The following SIN3A variants were observed in gnomAD, a reference collection of about 807,000 sequenced individuals.
The protein encoded by SIN3A is paired amphipathic helix protein Sin3a.
Under a neutral mutation model 146.1 loss-of-function variants are expected in SIN3A, and 14 were observed. The ratio of observed to expected loss-of-function variants is 0.10; its 90% CI spans 0.06 to 0.15. SIN3A has a LOEUF of 0.15. SIN3A is among the 10% of genes least tolerant of loss of function. The pLI is 1.00. For missense variants in SIN3A, 1,028 were observed against 1,576.0 expected, an observed-to-expected ratio of 0.65 and a Z score of 5.89; for synonymous variants, 572 against 572.0, an observed-to-expected ratio of 1.00 and a Z score of 0.00.
rs368303944 is a variant in SIN3A at position 75,396,337 on chromosome 15, T to A, written c.2014A>T (p.Ile672Leu). 3.8e-5 allele frequency: 61 copies of A among 1,614,026 alleles called. 1 individual carries two copies. The Admixed American group carries it at 5.7e-4, about 15-fold the overall frequency. ...EVIHRKALQR[I>L]YADKAADIID... The stretch of plus-strand genomic sequence containing the variant: ...ATGTCAGCTGCTTTATCAGCATATA[T>A]CCTCTGGAGTGCTTTTCTATGGATG... The change falls in exon 13 of 21, where the codon ATA becomes TTA. Residue 672 changes from isoleucine to leucine, a missense_variant. This residue lies in a region of SIN3A where 157 missense variants were observed against 284.8 expected (regional missense o/e 0.55). Coordinates refer to ENST00000394947, the MANE Select transcript of SIN3A (RefSeq NM_001145358.2).
At chr15:75,437,418 T>C (rs1024702784) in intron 1 of SIN3A, among the ~76,000 whole-genome samples, 2 of 152,140 alleles carry the variant, frequency 1.3e-5, no homozygotes, top group South Asian at 4.1e-4. Context: ...CCTCCTGTCT[T>C]GGCCTCCCAA....
Position 75,392,435 on chromosome 15 carries a change from G to C in SIN3A, c.2658C>G (p.Phe886Leu), listed in dbSNP as rs1369700335. Residue 886 changes from phenylalanine to leucine, a missense_variant, in exon 15 of 21, where the codon TTC becomes TTG. Transcript: ENST00000394947. The part of the protein sequence containing the change: ...LRGMDEVYNL[F>L]YVNNNWYIFM... Reference sequence around the variant, plus strand: ...AAATATACCAGTTGTTGTTGACATAGAAGAGGTTGTATACTTCATCCATTC... The same window carrying C: ...AAATATACCAGTTGTTGTTGACATACAAGAGGTTGTATACTTCATCCATTC... 1 of 1,614,212 alleles carries C rather than the reference G, an allele frequency of 6.2e-7. No homozygotes were observed.
intron 1 of SIN3A, among the ~76,000 whole-genome samples, chr15:75,440,800 G>A (rs1189605540): frequency 6.6e-6 from 1 of 151,938 alleles, no homozygotes; most frequent in East Asian, 1.9e-4. Context: ...GGCTAACAAG[G>A]TGAAGCCCCG....
chr15:75,417,031 T>C (rs911743242), intron 3 of SIN3A, among the ~76,000 whole-genome samples: 6 of 151,702 alleles, frequency 4.0e-5, no homozygotes, highest in African/African-American at 1.5e-4. Flanking sequence ...GGTTTTATAG[T>C]GGCTTTTTTT....
chr15:75,446,796 C>T (rs1219784303), intron 1 of SIN3A, among the ~76,000 whole-genome samples: 2 of 151,568 alleles, frequency 1.3e-5, no homozygotes, highest in Non-Finnish European at 2.9e-5. Context: ...TCTTTTGAGA[C>T]AGTCTCGCTC....
intron 1 of SIN3A, 86 bp downstream of exon 1, chr15:75,451,336 GC>G (rs200044330): frequency 0.022 from 2,130 of 98,868 alleles, 38 homozygotes; most frequent in African/African-American, 0.025. Context: ...GAGGAGGTCA[GC>G]CCCCCCCCCC....
intron 12 of SIN3A, among the ~76,000 whole-genome samples, chr15:75,398,406 T>A (rs1029138637): frequency 6.6e-6 from 1 of 152,208 alleles, no homozygotes; most frequent in African/African-American, 2.4e-5. Flanking sequence ...ACAGGCGCAG[T>A]GGCTCACACT....
chr15:75,451,697 G>A (rs984346411), upstream of SIN3A: 1 of 151,860 alleles, frequency 6.6e-6, no homozygotes, highest in Non-Finnish European at 1.5e-5. Context: ...TGTTACCCGG[G>A]AAATCCCGCC....
Position 75,383,508 on chromosome 15 carries a change from C to T in SIN3A, c.3195+756G>A, listed in dbSNP as rs182442876. ...ACGCGATCAGGCCTCACTGCAGCCT[C>T]GACCTCCCAGGCTCAAGCAATCCTT... On this transcript the variant is annotated intron_variant, in intron 17 of 20. Coordinates refer to ENST00000394947, the MANE Select transcript of SIN3A (RefSeq NM_001145358.2). Among the ~76,000 whole-genome samples, 38 of 151,112 alleles carry T rather than the reference C, an allele frequency of 2.5e-4. No individual in the cohort carries two copies. In the East Asian group the frequency reaches 6.8e-3, roughly 27 times the overall value.
At chr15:75,404,518 T>C (rs2073470869) in intron 9 of SIN3A, among the ~76,000 whole-genome samples, 1 of 152,184 alleles carries the variant, frequency 6.6e-6, no homozygotes, top group Admixed American at 6.5e-5. Context: ...CCCAACACTT[T>C]GGGAGGCCAA....
intron 5 of SIN3A, among the ~76,000 whole-genome samples, chr15:75,412,445 A>C (rs1180979778): frequency 6.6e-6 from 1 of 152,242 alleles, no homozygotes; most frequent in African/African-American, 2.4e-5. Context: ...GACCAGGATA[A>C]GACGATGGTT....
At chr15:75,380,184 T>C (rs1232260183) in intron 19 of SIN3A, among the ~76,000 whole-genome samples, 1 of 152,196 alleles carries the variant, frequency 6.6e-6, no homozygotes, top group African/African-American at 2.4e-5. Context: ...GTCACATTCA[T>C]TGTTGGAAGA....
chr15:75,428,443 A>G (rs575587919), intron 2 of SIN3A, among the ~76,000 whole-genome samples: 11 of 152,288 alleles, frequency 7.2e-5, no homozygotes, highest in African/African-American at 2.6e-4. Context: ...TCTCCCGGGT[A>G]GCTAGGACTA....
chr15:75,413,312 G>C (rs770535063), intron 4 of SIN3A, among the ~76,000 whole-genome samples: 17 of 150,294 alleles, frequency 1.1e-4, no homozygotes, highest in South Asian at 2.1e-4. Context: ...GGACAGGTGG[G>C]GTTTCACCAT....
chr15:75,452,510 C>T (rs192453449), upstream of SIN3A, among the ~76,000 whole-genome samples: 1 of 152,354 alleles, frequency 6.6e-6, no homozygotes, highest in East Asian at 1.9e-4. Context: ...ACACTGCGTC[C>T]TTGTAAACAC....
intron 1 of SIN3A, among the ~76,000 whole-genome samples, chr15:75,434,547 G>A (rs895659349): frequency 1.3e-5 from 2 of 152,028 alleles, no homozygotes; most frequent in East Asian, 3.9e-4. Context: ...CTACTCAGGA[G>A]GCTGAGGCAC....
intron 1 of SIN3A, among the ~76,000 whole-genome samples, chr15:75,445,082 T>C (rs2074281327): frequency 6.6e-6 from 1 of 150,760 alleles, no homozygotes; most frequent in South Asian, 2.1e-4. Context: ...AAATATAATC[T>C]TTCAAAATAT....
At chr15:75,431,379 CAATTT>C (rs2074011682) in intron 1 of SIN3A, among the ~76,000 whole-genome samples, 1 of 152,156 alleles carries the variant, frequency 6.6e-6, no homozygotes, top group African/African-American at 2.4e-5. Context: ...CCGTGGGAGA[CAATTT>C]CATTCCTGCA....
intron 19 of SIN3A, among the ~76,000 whole-genome samples, chr15:75,378,949 G>A (rs1162502452): frequency 6.6e-6 from 1 of 151,376 alleles, no homozygotes; most frequent in Non-Finnish European, 1.5e-5. Flanking sequence ...CACCCAGGCT[G>A]GAGTGCCGTG....
Sources: allele counts gnomAD v4.1 joint callset (sites outside exome capture counted in the v4.1 genomes callset), GRCh38; gene constraint gnomAD v4.1.1; regional missense constraint gnomAD v4.1.1; transcripts MANE v1.5; gene names NCBI Gene and HGNC (gene_info 2026-07-23, HGNC 2026-07-21).